The following UNC13C variants were observed in gnomAD, a reference collection of about 807,000 sequenced individuals.
UNC13C encodes the protein protein unc-13 homolog C.
UNC13C carries 174 observed loss-of-function variants against 245.4 expected under a neutral mutation model. That is an observed-to-expected ratio of 0.71 (90% confidence interval 0.63 to 0.80). UNC13C has a LOEUF of 0.80. Ranked by LOEUF, UNC13C falls within the 30% of genes least tolerant of loss-of-function variation. The pLI is 0.00. For synonymous variants in UNC13C, 992 were observed against 895.1 expected (o/e 1.11, Z -1.93); for missense variants, 2,829 against 2,602.9 (o/e 1.09, Z -1.89).
At chr15:54,280,705 T>C (rs2036963356) in intron 10 of UNC13C, among the ~76,000 whole-genome samples, 3 of 129,644 alleles carry the variant, frequency 2.3e-5, no homozygotes, top group Non-Finnish European at 4.9e-5. Flanking sequence ...TATGTATACA[T>C]ACATATATAC....
At chr15:54,446,074 G>C (rs1364406618) in intron 19 of UNC13C, among the ~76,000 whole-genome samples, 3 of 152,084 alleles carry the variant, frequency 2.0e-5, no homozygotes, top group South Asian at 2.1e-4. Context: ...TCTTGTTTTT[G>C]TCAGGTTTGT....
intron 2 of UNC13C, among the ~76,000 whole-genome samples, chr15:54,038,978 G>T (rs147894525): frequency 1.3e-3 from 205 of 152,154 alleles, no homozygotes; most frequent in African/African-American, 4.7e-3. Flanking sequence ...GCCAGTAAAG[G>T]CTACAAATTA....
chr15:54,174,740 C>A (rs538101428), intron 4 of UNC13C, among the ~76,000 whole-genome samples: 1 of 152,258 alleles, frequency 6.6e-6, no homozygotes, highest in East Asian at 1.9e-4. Flanking sequence ...TCAGTTATTT[C>A]CTCTAAAGTA....
chr15:54,082,730 T>C (rs548312898), intron 2 of UNC13C, among the ~76,000 whole-genome samples: 52 of 152,226 alleles, frequency 3.4e-4, no homozygotes, highest in Middle Eastern at 3.2e-3. Flanking sequence ...TCTATCATTT[T>C]GATGGGACTG....
At chr15:53,883,172 C>G in the UNC13C span, among the ~76,000 whole-genome samples, 1 of 151,920 alleles carries the variant, frequency 6.6e-6, no homozygotes, top group South Asian at 2.1e-4. Context: ...AATTTTTTTT[C>G]TACTTAAAAT....
At chr15:54,225,115 A>G (rs1365172525) in intron 4 of UNC13C, among the ~76,000 whole-genome samples, 2 of 122,046 alleles carry the variant, frequency 1.6e-5, no homozygotes, top group Admixed American at 8.1e-5. Context: ...CTTTTGTATT[A>G]TTTGTTGAAG....
At chr15:54,389,012 A>T (rs1445785751) in intron 17 of UNC13C, among the ~76,000 whole-genome samples, 1 of 152,196 alleles carries the variant, frequency 6.6e-6, no homozygotes, top group Non-Finnish European at 1.5e-5. Flanking sequence ...CACAAATGTA[A>T]CCAAGTAATC....
At chr15:54,183,680 A>G (rs1301822069) in intron 4 of UNC13C, among the ~76,000 whole-genome samples, 1 of 151,804 alleles carries the variant, frequency 6.6e-6, no homozygotes, top group Non-Finnish European at 1.5e-5. Context: ...GATGGACCAT[A>G]GCCATTCATG....
intron 4 of UNC13C, among the ~76,000 whole-genome samples, chr15:54,187,033 A>G (rs2034014699): frequency 6.6e-6 from 1 of 151,756 alleles, no homozygotes; most frequent in Non-Finnish European, 1.5e-5. Context: ...ATTTTAGTAG[A>G]GACAGGGTTT....
chr15:54,178,799 T>C (rs1237793005), intron 4 of UNC13C, among the ~76,000 whole-genome samples: 1 of 152,160 alleles, frequency 6.6e-6, no homozygotes, highest in African/African-American at 2.4e-5. Flanking sequence ...GCTGAAGGCC[T>C]GGGAGCTTTA....
chr15:54,057,301 G>T (rs965096048), intron 2 of UNC13C, among the ~76,000 whole-genome samples: 1 of 150,370 alleles, frequency 6.7e-6, no homozygotes, highest in African/African-American at 2.4e-5. Context: ...AAAAGGCAGG[G>T]ATTGCAATCC....
intron 19 of UNC13C, among the ~76,000 whole-genome samples, chr15:54,469,433 C>T (rs1431974013): frequency 6.6e-6 from 1 of 151,344 alleles, no homozygotes. Flanking sequence ...TGTCTAATTG[C>T]TCTGGTTAGG....
the UNC13C span, among the ~76,000 whole-genome samples, chr15:53,930,394 A>G: frequency 3.3e-5 from 5 of 152,294 alleles, no homozygotes; most frequent in East Asian, 5.8e-4. Flanking sequence ...TTACCTCTTG[A>G]TGGAAGGAGT....
chr15:54,443,041 G>C (rs1367496840), intron 19 of UNC13C, among the ~76,000 whole-genome samples: 1 of 152,000 alleles, frequency 6.6e-6, no homozygotes, highest in African/African-American at 2.4e-5. Flanking sequence ...AAGTCATCTG[G>C]TTATGGGCTT....
chr15:53,845,368 T>C, the UNC13C span, among the ~76,000 whole-genome samples: 6 of 148,946 alleles, frequency 4.0e-5, no homozygotes, highest in East Asian at 1.2e-3. Flanking sequence ...CATGGAACAG[T>C]ATAGAAAACT....
At chr15:54,532,532 A>G (rs1232129136) in intron 25 of UNC13C, among the ~76,000 whole-genome samples, 1 of 152,208 alleles carries the variant, frequency 6.6e-6, no homozygotes, top group Non-Finnish European at 1.5e-5. Flanking sequence ...TTGCAGGGAC[A>G]TGGATGGAGT....
the UNC13C span, among the ~76,000 whole-genome samples, chr15:53,843,288 AC>A: frequency 6.6e-6 from 1 of 152,064 alleles, no homozygotes; most frequent in South Asian, 2.1e-4. Context: ...AAGAAAAAAA[AC>A]TGCAAAAATT....
intron 10 of UNC13C, among the ~76,000 whole-genome samples, chr15:54,277,163 A>G (rs1345381442): frequency 6.6e-6 from 1 of 152,122 alleles, no homozygotes; most frequent in African/African-American, 2.4e-5. Flanking sequence ...CATTTTTATC[A>G]GCATCTCCAC....
intron 19 of UNC13C, among the ~76,000 whole-genome samples, chr15:54,420,630 T>G (rs1319447461): frequency 6.6e-6 from 1 of 151,972 alleles, no homozygotes; most frequent in Non-Finnish European, 1.5e-5. Flanking sequence ...TTATTTTAGG[T>G]CAGGTTTTTG....
Sources: allele counts gnomAD v4.1 joint callset (sites outside exome capture counted in the v4.1 genomes callset), GRCh38; gene constraint gnomAD v4.1.1; transcripts MANE v1.5; gene names NCBI Gene and HGNC (gene_info 2026-07-23, HGNC 2026-07-21).